Variants in KCP observed in about 807,000 individuals in gnomAD.
KCP encodes the protein kielin cysteine rich BMP regulator.
In KCP, 194 loss-of-function variants were observed where a neutral mutation model predicts 212.7. That is an observed-to-expected ratio of 0.91 (90% confidence interval 0.81 to 1.03). The LOEUF is 1.03. KCP is among the 50% of genes least tolerant of loss of function. The pLI is 0.00. For synonymous variants in KCP, 833 were observed against 865.3 expected (o/e 0.96, Z 0.65); for missense variants, 2,080 against 2,162.5 (o/e 0.96, Z 0.76).
At chr7:128,885,538 C>T (rs544650242) in intron 26 of KCP, among the ~76,000 whole-genome samples, 1 of 152,308 alleles carries the variant, frequency 6.6e-6, no homozygotes, top group East Asian at 1.9e-4. Context: ...CAGTGCAGCC[C>T]GCACCGGCCA....
At chr7:128,883,867 C>A (rs1265487620) in intron 29 of KCP, 135 bp downstream of exon 29, 4 of 1,147,278 alleles carry the variant, frequency 3.5e-6, no homozygotes, top group Non-Finnish European at 4.7e-6. Flanking sequence ...GTGCAGCCCT[C>A]GCCGGCCAGG....
At position 128,891,112 on chromosome 7, in the gene KCP, G is replaced by T. The variant is rs1263991252; in HGVS notation, c.1973-16C>A. 6.8e-7 allele frequency: 1 copy of T among 1,480,634 alleles called. No individual in the cohort carries two copies. Among genetic ancestry groups the T allele is most frequent in the Admixed American group, 2.4e-5 (1 of 42,244 alleles). The allele number at this position is 1,480,634 out of a possible 1,614,324, so 91.7% of individuals were successfully genotyped here. A position where few individuals can be genotyped will look rare whatever the true frequency, so the allele number is the denominator to read the frequency against. On this transcript the variant is annotated splice_polypyrimidine_tract_variant and intron_variant, in intron 19 of 39. Transcript: ENST00000610776. ...GCTGGGGCGGCTGCGGCGAGACAGC[G>T]CATCAAAGGGGCCCAGGAACAGGCC...
chr7:128,891,551 T>A lies in KCP; in HGVS notation c.1796-18A>T. ...GGCACAGCCTGGGGGAGGGAGGGGC[T>A]ATAGCCTGGGAGAGGGCGACTGCCC... On this transcript the variant is annotated intron_variant, in intron 17 of 39. Coordinates refer to ENST00000610776, the MANE Select transcript of KCP (RefSeq NM_001366122.1). The A allele has an allele frequency of 6.5e-7, 1 of 1,544,994 alleles. No individual in the cohort carries two copies. The highest frequency in any genetic ancestry group is 8.7e-7 in the Non-Finnish European group (1 of 1,143,018).
At position 128,887,285 on chromosome 7, in the gene KCP, C is replaced by T; in HGVS notation, c.2528G>A (p.Gly843Asp). ...CPTCQGCRYH[G>D]VTTASGETLP... The stretch of plus-strand genomic sequence containing the variant: ...GGTCTCTCCGGAGGCAGTAGTGACG[C>T]CATGGTAGCGGCATCCTGGCAGAGC... The change falls in exon 23 of 40, where the codon GGC becomes GAC. Residue 843 changes from glycine (G) to aspartate (D), a missense_variant. By Grantham distance (94) the Gly-to-Asp change is moderately conservative. Transcript: ENST00000610776. 1.3e-6 allele frequency: 2 copies of T among 1,551,312 alleles called. No individual in the cohort carries two copies. The highest frequency in any genetic ancestry group is 1.2e-5 in the South Asian group (1 of 84,054).
intron 7 of KCP, 136 bp from the exon 8 acceptor site, chr7:128,902,995 T>G: frequency 1.5e-6 from 1 of 676,484 alleles, no homozygotes. Context: ...GTCAGATCTC[T>G]GCCTAGATTC....
chr7:128,886,894 A>C lies in KCP; in HGVS notation c.2671T>G (p.Phe891Val). 1.3e-6 allele frequency: 2 copies of C among 1,502,230 alleles called. No homozygotes were observed. Among genetic ancestry groups the C allele is most frequent in the Non-Finnish European group, 1.8e-6 (2 of 1,109,146 alleles). The allele number at this position is 1,502,230 out of a possible 1,614,324, so 93.1% of individuals were successfully genotyped here. Residue 891 changes from phenylalanine to valine, a missense_variant, in exon 24 of 40, where the codon TTC becomes GTC. Coordinates refer to ENST00000610776, the MANE Select transcript of KCP (RefSeq NM_001366122.1). ...AGCTCACTGTGGCAAACAGGGCAGA[A>C]GCAGGGGCCTGGAGAGGGGTGGGGG... Reference protein sequence around the residue: ...LCPHPSPGPCFCPVCHSCLSQ... With the variant: ...LCPHPSPGPCVCPVCHSCLSQ...
intron 26 of KCP, 72 bp from the exon 27 acceptor site, chr7:128,885,342 A>G: frequency 6.9e-7 from 1 of 1,453,770 alleles, no homozygotes; most frequent in African/African-American, 1.4e-5. Flanking sequence ...CCCCACCCTC[A>G]GTGGTCAGCT....
At position 128,896,675 on chromosome 7, in the gene KCP, G is replaced by A. The variant is rs558539942; in HGVS notation, c.832-2382C>T. On this transcript the variant is annotated intron_variant, in intron 8 of 39. Coordinates refer to ENST00000610776, the MANE Select transcript of KCP (RefSeq NM_001366122.1). ...TGGGAGGCCGAGGAGGGCGGATCACGAGGTCAAGAGATTGAGACCATCCTG... is the reference window on the plus strand; with the variant it reads ...TGGGAGGCCGAGGAGGGCGGATCACAAGGTCAAGAGATTGAGACCATCCTG... 3.3e-5 allele frequency among the ~76,000 whole-genome samples: 5 copies of A among 152,088 alleles called. No homozygotes were observed. The South Asian group carries it at 6.2e-4, about 19-fold the overall frequency.
At chr7:128,888,371 C>A (rs991528574) in intron 22 of KCP, among the ~76,000 whole-genome samples, 1 of 150,792 alleles carries the variant, frequency 6.6e-6, no homozygotes, top group Admixed American at 6.6e-5. Context: ...CCCAAACACA[C>A]AGGCCAACAC....
chr7:128,887,638 TAC>T (rs1374006805), intron 22 of KCP, among the ~76,000 whole-genome samples: 5 of 93,024 alleles, frequency 5.4e-5, no homozygotes, highest in Non-Finnish European at 1.1e-4. Flanking sequence ...CACACACACA[TAC>T]ATACACAACC....
At chr7:128,898,428 A>ACACC (rs1283606725) in intron 8 of KCP, among the ~76,000 whole-genome samples, 1 of 152,216 alleles carries the variant, frequency 6.6e-6, no homozygotes, top group African/African-American at 2.4e-5. Context: ...GGAGTTTGCC[A>ACACC]CACCCCTAGC....
chr7:128,879,247 A>G (rs546132023), intron 37 of KCP: 2 of 475,448 alleles, frequency 4.2e-6, no homozygotes, highest in African/African-American at 1.9e-5. Flanking sequence ...CCCATTCCCC[A>G]CTTTACAGAC....
rs374646805 is a variant in KCP at position 128,878,610 on chromosome 7, C to A, written c.4259G>T (p.Gly1420Val). 1 of 1,551,546 alleles carries A rather than the reference C, an allele frequency of 6.4e-7. No individual in the cohort carries two copies. Among genetic ancestry groups the A allele is most frequent in the East Asian group, 2.4e-5 (1 of 40,920 alleles). ...FNGFAQDDLQ[G>V]PEGLLLPSEA... is the part of the protein sequence containing the mutation. ...CGAGGGCAGGAGCAGCCCCTCAGGG[C>A]CCTGCAGATCGTCCTGGGCAAAGCC... Residue 1420 changes from glycine (G) to valine (V), a missense_variant, in exon 38 of 40, where the codon GGC becomes GTC. Transcript: ENST00000610776.
rs180856126 is a variant in KCP, at chr7:128,886,403, T to C, written c.2866+61A>G. On this transcript the variant is annotated intron_variant, in intron 26 of 39. Transcript: ENST00000610776. ...GCTGGCTGAGGGGAGGGAGGTGGGGTGGACAGAGGGACACAGGGCCAAGGG... is the reference window on the plus strand; with the variant it reads ...GCTGGCTGAGGGGAGGGAGGTGGGGCGGACAGAGGGACACAGGGCCAAGGG... 3.2e-5 allele frequency: 44 copies of C among 1,365,984 alleles called. No individual in the cohort carries two copies. In the African/African-American group the frequency reaches 6.2e-4, roughly 19 times the overall value. 84.6% of individuals were successfully genotyped at this position (1,365,984 alleles called of 1,614,324 possible).
intron 11 of KCP, 110 bp from the exon 12 acceptor site, chr7:128,893,586 T>G: frequency 9.9e-7 from 1 of 1,014,316 alleles, no homozygotes; most frequent in Non-Finnish European, 1.5e-6. Flanking sequence ...CCAGCCGAGT[T>G]CTCCAGGGCG....
chr7:128,908,496 T>C lies in KCP; in HGVS notation c.149A>G (p.Gln50Arg), dbSNP rs1258691991. The C allele has an allele frequency of 1.3e-6, 2 of 1,551,854 alleles. No homozygotes were observed. The highest frequency in any genetic ancestry group is 1.7e-6 in the Non-Finnish European group (2 of 1,147,086). The change falls in exon 2 of 40, where the codon CAG becomes CGG. Residue 50 changes from glutamine to arginine, a missense_variant. Gln to Arg is a conservative substitution (Grantham distance 43). Transcript: ENST00000610776. ...AHSSVLAGNS[Q>R]EQWHPLREWL... ...CTCTCGCAGGGGGTGCCACTGCTCCTGGGAGTTCCCAGCAAGGACTGAGGA... is the reference window on the plus strand; with the variant it reads ...CTCTCGCAGGGGGTGCCACTGCTCCCGGGAGTTCCCAGCAAGGACTGAGGA...
In KCP at chr7:128,877,705, C is replaced by T. The variant is rs771179921; in HGVS notation, c.4397G>A (p.Arg1466His). The change falls in exon 39 of 40, where the codon CGT (arginine) becomes CAT (histidine). Residue 1466 changes from arginine to histidine, a missense_variant. Transcript: ENST00000610776. ...PCRAAGYRARREANARCGVLK... is the reference protein window; with the variant it reads ...PCRAAGYRARHEANARCGVLK... ...CACCCCACACCGGGCATTGGCCTCA[C>T]GCCTGGCACGGTAACCTGCTGCCCG... 3.2e-5 allele frequency: 49 copies of T among 1,551,128 alleles called. No homozygotes were observed. The Middle Eastern group carries it at 5.0e-4, about 16-fold the overall frequency.
At position 128,877,161 on chromosome 7, in the gene KCP, AG is replaced by A. The variant is rs1793036291; in HGVS notation, c.4768del (p.Leu1590TrpfsTer64). ...GATGCAGTGGGCCTCATGCTCCACC[AG>A]GCCTGCAGGGCACTGGCAGCCGGGC... ...CVPGCQCPAG[L>X]VEHEAHCIPP... On this transcript the variant is annotated frameshift_variant, in exon 40 of 40. Transcript: ENST00000610776. LOFTEE classifies it low-confidence loss of function (END_TRUNC). The A allele has an allele frequency of 6.7e-7, 1 of 1,495,906 alleles. No homozygotes were observed. The allele number at this position is 1,495,906 out of a possible 1,614,324, so 92.7% of individuals were successfully genotyped here.
Position 128,902,847 on chromosome 7 carries a change from C to A in KCP, c.761G>T (p.Gly254Val), listed in dbSNP as rs778564995. The A allele has an allele frequency of 1.3e-6, 2 of 1,551,420 alleles. No homozygotes were observed. The highest frequency in any genetic ancestry group is 2.4e-5 in the South Asian group (2 of 84,066). ...TTGGCCATGTTCCCAGTGAGAGCCACCTTCTGTGCAGCCTAGGGTTGAGGG... is the reference window on the plus strand; with the variant it reads ...TTGGCCATGTTCCCAGTGAGAGCCAACTTCTGTGCAGCCTAGGGTTGAGGG... ...CCPTCQGCTE[G>V]GSHWEHGQEW... Residue 254 changes from glycine (G) to valine (V), a missense_variant, in exon 8 of 40, where the codon GGT (glycine) becomes GTT (valine). Gly to Val is a moderately radical substitution (Grantham distance 109). Coordinates refer to ENST00000610776, the MANE Select transcript of KCP (RefSeq NM_001366122.1).
Sources: gnomAD v4.1 joint callset for allele counts (sites outside exome capture counted in the v4.1 genomes callset) on GRCh38, gnomAD v4.1.1 for gene constraint, MANE v1.5 for transcripts, NCBI Gene and HGNC (gene_info 2026-07-23, HGNC 2026-07-21) for gene names.